Variants in DOCK3 observed in about 807,000 individuals in gnomAD.
The protein encoded by DOCK3 is dedicator of cytokinesis protein 3.
A neutral mutation model predicts 265.6 loss-of-function variants in DOCK3; 60 were observed. That is an observed-to-expected ratio of 0.23 (90% CI 0.18 to 0.28). The LOEUF (loss-of-function observed/expected upper bound fraction) is 0.28, where lower values mean the gene tolerates loss of function less well. Ranked by LOEUF, DOCK3 falls within the 10% of genes least tolerant of loss-of-function variation. The probability of loss-of-function intolerance (pLI) is 1.00; values close to 1 mark genes in which losing one functional copy is unlikely to be tolerated. For synonymous variants in DOCK3, 881 were observed against 938.0 expected (o/e 0.94, Z 1.11); for missense variants, 1,981 against 2,594.3 (o/e 0.76, Z 5.14).
intron 5 of DOCK3, among the ~76,000 whole-genome samples, chr3:51,020,825 T>C (rs2079553915): frequency 6.6e-6 from 1 of 151,940 alleles, no homozygotes; most frequent in African/African-American, 2.4e-5. Context: ...TCCATGGGTC[T>C]ATGTGTCTGT....
chr3:51,312,907 GT>G lies in DOCK3; in HGVS notation c.3253+11del. 1 of 1,602,414 alleles carries G rather than the reference GT, an allele frequency of 6.2e-7. No individual in the cohort carries two copies. The highest frequency in any genetic ancestry group is 8.5e-7 in the Non-Finnish European group (1 of 1,173,982). On this transcript the variant is annotated splice_donor_region_variant and intron_variant, in intron 31 of 52. Coordinates refer to ENST00000266037, the MANE Select transcript of DOCK3 (RefSeq NM_004947.5). ...TCAGCATGTGGCAGAATTTGGGTAG[GT>G]TTTTTCTCCCTATTCTTCCCTTCTA... is the stretch of plus-strand genomic sequence containing the variant.
intron 5 of DOCK3, among the ~76,000 whole-genome samples, chr3:51,016,640 T>C (rs1331865023): frequency 2.2e-4 from 4 of 17,986 alleles, no homozygotes; most frequent in Non-Finnish European, 2.6e-4. Flanking sequence ...ATATATGATA[T>C]ATATTTATAT....
At position 51,355,149 on chromosome 3, in the gene DOCK3, AGT is replaced by A; in HGVS notation, c.4249+131_4249+132del. The A allele has an allele frequency of 2.3e-6, 3 of 1,316,976 alleles. No homozygotes were observed. In the East Asian group the frequency reaches 7.7e-5, roughly 34 times the overall value. The allele number at this position is 1,316,976 out of a possible 1,614,324, so 81.6% of individuals were successfully genotyped here. A position where few individuals can be genotyped will look rare whatever the true frequency, so the allele number is the denominator to read the frequency against. ...TAGATATCCCATAGTCCTAAACCTG[AGT>A]GTGTCCTCATTGCTTAGCACACACT... On this transcript the variant is annotated intron_variant, in intron 41 of 52. Coordinates refer to ENST00000266037, the MANE Select transcript of DOCK3 (RefSeq NM_004947.5).
chr3:50,680,542 G>A (rs1281554099), intron 1 of DOCK3, among the ~76,000 whole-genome samples: 1 of 141,724 alleles, frequency 7.1e-6, no homozygotes, highest in Non-Finnish European at 1.5e-5. Context: ...TTTTTAAGAC[G>A]AGGTCTTGCT....
At position 51,308,293 on chromosome 3, in the gene DOCK3, A is replaced by G. The variant is rs373197048; in HGVS notation, c.2923-1939A>G. Among the ~76,000 whole-genome samples, 57 of 150,360 alleles carry G rather than the reference A, an allele frequency of 3.8e-4. 1 individual carries two copies. The South Asian group carries it at 1.0e-2, about 26-fold the overall frequency. On this transcript the variant is annotated intron_variant, in intron 27 of 52. Transcript: ENST00000266037. ...GGGGATTTGGCAGGGTCATAGGACA[A>G]TAGTGGAGGGAAGGTCAGCAGATAA...
intron 32 of DOCK3, among the ~76,000 whole-genome samples, chr3:51,321,554 C>T (rs1345393675): frequency 2.0e-5 from 3 of 152,066 alleles, no homozygotes; most frequent in Admixed American, 6.5e-5. Context: ...CATGTTCTAA[C>T]CTAATGCAAG....
intron 5 of DOCK3, among the ~76,000 whole-genome samples, chr3:50,984,554 ATCCTG>A (rs2077823502): frequency 6.6e-6 from 1 of 152,054 alleles, no homozygotes; most frequent in African/African-American, 2.4e-5. Context: ...ATCCTCTTTT[ATCCTG>A]GCTTAAGGAG....
chr3:50,752,291 A>G (rs977672436), intron 1 of DOCK3, among the ~76,000 whole-genome samples: 8 of 152,244 alleles, frequency 5.3e-5, no homozygotes, highest in African/African-American at 1.7e-4. Flanking sequence ...CAGGCGGATC[A>G]TGAGGTCAAG....
chr3:50,988,681 C>T lies in DOCK3; in HGVS notation c.315+54604C>T, dbSNP rs544049451. On this transcript the variant is annotated intron_variant, in intron 5 of 52. Transcript: ENST00000266037. Reference sequence around the variant, plus strand: ...CCCTGGGACAGGCTGCCATCTTTGCCGTTTTGCAGCCGTCACTTGTGACAC... The same window carrying T: ...CCCTGGGACAGGCTGCCATCTTTGCTGTTTTGCAGCCGTCACTTGTGACAC... Among the ~76,000 whole-genome samples, 15 of 152,252 alleles carry T rather than the reference C, an allele frequency of 9.9e-5. No homozygotes were observed. In the South Asian group the frequency reaches 1.7e-3, roughly 17 times the overall value.
intron 1 of DOCK3, among the ~76,000 whole-genome samples, chr3:50,776,812 C>CATTT (rs2041628537): frequency 6.6e-6 from 1 of 152,082 alleles, no homozygotes; most frequent in African/African-American, 2.4e-5. Context: ...TTCCCAGCAC[C>CATTT]ATTTATTGAA....
intron 5 of DOCK3, among the ~76,000 whole-genome samples, chr3:51,033,161 T>G (rs1341621997): frequency 1.3e-5 from 2 of 152,162 alleles, no homozygotes; most frequent in Admixed American, 6.6e-5. Context: ...CATTAAAACT[T>G]TCACAGAATT....
At chr3:50,979,145 C>T (rs2077598000) in intron 5 of DOCK3, among the ~76,000 whole-genome samples, 1 of 152,166 alleles carries the variant, frequency 6.6e-6, no homozygotes, top group East Asian at 1.9e-4. Context: ...CGGAGCTGTT[C>T]CTATTCGGCC....
chr3:51,333,194 G>A lies in DOCK3; in HGVS notation c.3552G>A (p.Glu1184=). ...AGGTTGAACAAGAAACATGGCGCGA[G>A]ACCGGCATTTCCTTTGTGACCTCAG... ...LEKVEQETWR[E]TGISFVTSVT... Residue 1184 remains glutamate, a synonymous_variant, in exon 35 of 53, where the codon GAG becomes GAA. Transcript: ENST00000266037. 6.2e-7 allele frequency: 1 copy of A among 1,613,912 alleles called. No homozygotes were observed. Among genetic ancestry groups the A allele is most frequent in the South Asian group, 1.1e-5 (1 of 91,076 alleles).
At chr3:50,883,438 G>GT (rs2048161511) in intron 3 of DOCK3, among the ~76,000 whole-genome samples, 1 of 151,806 alleles carries the variant, frequency 6.6e-6, no homozygotes, top group African/African-American at 2.4e-5. Flanking sequence ...TACATTTTTT[G>GT]TTTTTTCTTA....
rs2086599673 is a variant in DOCK3, at chr3:51,359,707, C to T, written c.4885-804C>T. Among the ~76,000 whole-genome samples the T allele has an allele frequency of 6.6e-6, 1 of 152,228 alleles. No individual in the cohort carries two copies. On this transcript the variant is annotated intron_variant, in intron 46 of 52. Coordinates refer to ENST00000266037, the MANE Select transcript of DOCK3 (RefSeq NM_004947.5). This position sits in a 1 kb window ranked among gnomAD's most constrained non-coding sequence, Gnocchi z 4.8. ...ACGTTCTTCCGTGTGCACACATAGC[C>T]TTTCTCCAGCTACAGAAATACATTT...
intron 7 of DOCK3, 149 bp downstream of exon 7, chr3:51,075,589 C>G (rs1370250348): frequency 3.2e-6 from 2 of 625,856 alleles, no homozygotes; most frequent in Non-Finnish European, 5.5e-6. Context: ...CCATATCTGT[C>G]ACACTAGCTT....
intron 1 of DOCK3, among the ~76,000 whole-genome samples, chr3:50,689,499 C>T (rs1166077270): frequency 6.6e-6 from 1 of 152,172 alleles, no homozygotes; most frequent in Non-Finnish European, 1.5e-5. Flanking sequence ...ATCACATCTT[C>T]ATGAGAATGG....
At chr3:50,995,263 G>T (rs1422363613) in intron 5 of DOCK3, among the ~76,000 whole-genome samples, 2 of 152,136 alleles carry the variant, frequency 1.3e-5, no homozygotes, top group African/African-American at 4.8e-5. Context: ...CAACTGTCTG[G>T]CAAGAGTTGC....
intron 3 of DOCK3, among the ~76,000 whole-genome samples, chr3:50,845,293 A>T (rs1468896131): frequency 6.6e-6 from 1 of 152,176 alleles, no homozygotes; most frequent in Non-Finnish European, 1.5e-5. Flanking sequence ...AGGACAACAG[A>T]TACTTGATTT....
Sources: gnomAD v4.1 joint callset for allele counts (sites outside exome capture counted in the v4.1 genomes callset) on GRCh38, gnomAD v4.1.1 for gene constraint, Gnocchi (gnomAD v3.1) non-coding constraint, MANE v1.5 for transcripts, NCBI Gene and HGNC (gene_info 2026-07-23, HGNC 2026-07-21) for gene names.